Variants in DTNB observed in about 807,000 individuals in gnomAD.
DTNB encodes the protein dystrobrevin beta.
Under a neutral mutation model 90.7 loss-of-function variants are expected in DTNB, and 63 were observed. The ratio of observed to expected loss-of-function variants is 0.69; its 90% CI spans 0.57 to 0.86. The LOEUF (loss-of-function observed/expected upper bound fraction) is 0.86, where lower values mean the gene tolerates loss of function less well. DTNB is among the 40% of genes least tolerant of loss of function. The probability of loss-of-function intolerance (pLI) is 0.00; values close to 1 mark genes in which losing one functional copy is unlikely to be tolerated. For synonymous variants in DTNB, 277 were observed against 286.7 expected, an observed-to-expected ratio of 0.97 and a Z score of 0.34; for missense variants, 744 against 807.1, an observed-to-expected ratio of 0.92 and a Z score of 0.95.
chr2:25,619,908 T>C (rs1458913122), intron 4 of DTNB, among the ~76,000 whole-genome samples: 1 of 151,848 alleles, frequency 6.6e-6, no homozygotes, highest in Non-Finnish European at 1.5e-5. Context: ...GGCGTGGTGG[T>C]ACACACCTGT....
chr2:25,408,404 T>C (rs1299064413), intron 16 of DTNB, among the ~76,000 whole-genome samples: 1 of 151,516 alleles, frequency 6.6e-6, no homozygotes, highest in Non-Finnish European at 1.5e-5. Context: ...TTGGGTGTGG[T>C]GACGTGCACC....
At chr2:25,493,901 T>C (rs1159706455) in intron 9 of DTNB, among the ~76,000 whole-genome samples, 1 of 152,230 alleles carries the variant, frequency 6.6e-6, no homozygotes, top group Non-Finnish European at 1.5e-5. Flanking sequence ...TCCTATATGA[T>C]GATAATTTAT....
intron 9 of DTNB, among the ~76,000 whole-genome samples, chr2:25,489,133 C>G (rs2066836735): frequency 6.6e-6 from 1 of 152,184 alleles, no homozygotes; most frequent in South Asian, 2.1e-4. Flanking sequence ...TCCCTTGCGG[C>G]CAGACCACTC....
intron 9 of DTNB, among the ~76,000 whole-genome samples, chr2:25,494,144 C>G (rs2068225055): frequency 6.6e-6 from 1 of 152,112 alleles, no homozygotes; most frequent in Admixed American, 6.6e-5. Context: ...CTGAGCCAGG[C>G]CCCTCAGAAA....
At chr2:25,480,545 T>G (rs1296269034) in intron 10 of DTNB, among the ~76,000 whole-genome samples, 1 of 152,182 alleles carries the variant, frequency 6.6e-6, no homozygotes. Flanking sequence ...GCTATGATTA[T>G]TACTGCTCCC....
intron 9 of DTNB, among the ~76,000 whole-genome samples, chr2:25,500,869 T>C (rs1054720620): frequency 2.6e-5 from 4 of 152,160 alleles, no homozygotes; most frequent in African/African-American, 9.7e-5. Context: ...AAATGAAGAA[T>C]CATAGTGGTG....
chr2:25,482,967 C>A (rs1271842915), intron 9 of DTNB, 94 bp from the exon 10 acceptor site: 8 of 1,282,810 alleles, frequency 6.2e-6, no homozygotes, highest in South Asian at 1.5e-5. Context: ...AGGGACCAAT[C>A]ATCATTCGCG....
chr2:25,467,979 G>A (rs2062101254), intron 10 of DTNB, among the ~76,000 whole-genome samples: 3 of 152,100 alleles, frequency 2.0e-5, no homozygotes, highest in Admixed American at 1.3e-4. Context: ...ACAAGCTGTA[G>A]TTTGCCAACC....
intron 16 of DTNB, among the ~76,000 whole-genome samples, chr2:25,394,359 A>G (rs957755584): frequency 1.3e-5 from 2 of 152,232 alleles, no homozygotes; most frequent in African/African-American, 4.8e-5. Flanking sequence ...CCGAGAACCC[A>G]AAAGCAAATG....
At chr2:25,541,198 G>T (rs554755291) in intron 8 of DTNB, among the ~76,000 whole-genome samples, 5 of 152,012 alleles carry the variant, frequency 3.3e-5, no homozygotes, top group Non-Finnish European at 7.4e-5. Context: ...TACAGTTCAG[G>T]CCAGGCACAG....
At chr2:25,427,742 A>G (rs1265852779) in intron 14 of DTNB, 111 bp from the exon 15 acceptor site, 15 of 992,310 alleles carry the variant, frequency 1.5e-5, no homozygotes. Context: ...TGAGACGCTG[A>G]GCAAGTCATT....
intron 8 of DTNB, among the ~76,000 whole-genome samples, chr2:25,533,151 C>T (rs892588455): frequency 7.2e-5 from 11 of 151,988 alleles, no homozygotes; most frequent in African/African-American, 1.7e-4. Context: ...TGGCGAAACC[C>T]GGTCTCTACA....
At chr2:25,427,506 A>C in intron 15 of DTNB, 29 bp downstream of exon 15, 1 of 1,609,600 alleles carries the variant, frequency 6.2e-7, no homozygotes, top group Non-Finnish European at 8.5e-7. Context: ...AAGAATGACA[A>C]GAACTGAGCG....
chr2:25,426,598 A>G (rs186809942), intron 15 of DTNB: 29 of 152,322 alleles, frequency 1.9e-4, no homozygotes, highest in African/African-American at 6.7e-4. Flanking sequence ...TCGGAATCAC[A>G]CCGTCAGTTC....
At chr2:25,489,438 T>C (rs1202945591) in intron 9 of DTNB, among the ~76,000 whole-genome samples, 2 of 152,148 alleles carry the variant, frequency 1.3e-5, no homozygotes, top group African/African-American at 2.4e-5. Flanking sequence ...AAATACTTAA[T>C]AGAAGTAAGA....
At chr2:25,585,816 A>G (rs1005554009) in intron 6 of DTNB, among the ~76,000 whole-genome samples, 8 of 152,218 alleles carry the variant, frequency 5.3e-5, no homozygotes, top group African/African-American at 1.9e-4. Flanking sequence ...TTACAGAGAT[A>G]TTTTATCTGA....
chr2:25,463,243 T>C (rs1399445400), intron 10 of DTNB, among the ~76,000 whole-genome samples: 1 of 152,194 alleles, frequency 6.6e-6, no homozygotes, highest in African/African-American at 2.4e-5. Flanking sequence ...GGCATCACTA[T>C]ACCCAGCCAT....
chr2:25,413,624 C>T (rs2047164690), intron 16 of DTNB, among the ~76,000 whole-genome samples: 1 of 152,136 alleles, frequency 6.6e-6, no homozygotes, highest in Admixed American at 6.5e-5. Flanking sequence ...CATAGTATTC[C>T]ATCGTGTATA....
chr2:25,465,684 A>G (rs757909946), intron 10 of DTNB, among the ~76,000 whole-genome samples: 22 of 152,000 alleles, frequency 1.4e-4, no homozygotes, highest in Admixed American at 3.9e-4. Context: ...GCCTGGAACA[A>G]TCTTCCCTGA....
Sources: allele counts gnomAD v4.1 joint callset (sites outside exome capture counted in the v4.1 genomes callset), GRCh38; gene constraint gnomAD v4.1.1; transcripts MANE v1.5; gene names NCBI Gene and HGNC (gene_info 2026-07-23, HGNC 2026-07-21).